The following MSI1 variants were observed in gnomAD, a reference collection of about 807,000 sequenced individuals.
MSI1 encodes the protein musashi RNA binding protein 1.
MSI1 carries 15 observed loss-of-function variants against 54.4 expected under a neutral mutation model. The observed-to-expected ratio is 0.28, with a 90% CI of 0.18 to 0.42. MSI1 has a LOEUF of 0.42. Ranked by LOEUF, MSI1 falls within the 20% of genes least tolerant of loss-of-function variation. The pLI, the probability that MSI1 is intolerant of heterozygous loss-of-function variation, is 1.00. For missense variants in MSI1, 304 were observed against 506.0 expected (o/e 0.60, Z 3.83); for synonymous variants, 200 against 196.5 (o/e 1.02, Z -0.15).
In MSI1 at chr12:120,346,148, C is replaced by T; in HGVS notation, c.1034G>A (p.Gly345Asp). 6.3e-7 allele frequency: 1 copy of T among 1,576,110 alleles called. No homozygotes were observed. Among genetic ancestry groups the T allele is most frequent in the South Asian group, 1.2e-5 (1 of 85,906 alleles). Residue 345 changes from glycine to aspartate, a missense_variant, in exon 13 of 15, where the codon GGC (glycine) becomes GAC (aspartate). Physicochemically the swap from Gly to Asp is moderately conservative, Grantham distance 94 (BLOSUM62 -1). Transcript: ENST00000257552. ...CTGGCCACTCACCCCAAGACTGTGG[C>T]CGAAGCCGGTGCTGGGGGCAGGGCT... ...AASPAPSTGF[G>D]HSLGGPLIAT...
chr12:120,357,114 C>T, intron 8 of MSI1, 95 bp from the exon 9 acceptor site: 1 of 1,116,476 alleles, frequency 9.0e-7, no homozygotes, highest in Non-Finnish European at 1.4e-6. Flanking sequence ...TTATTAATTT[C>T]ACTGTCCAGC....
intron 11 of MSI1, among the ~76,000 whole-genome samples, chr12:120,350,379 C>T (rs555902120): frequency 8.7e-4 from 133 of 152,236 alleles, no homozygotes; most frequent in African/African-American, 3.1e-3. Context: ...TCCACCCTGA[C>T]AACTAGTGGC....
At chr12:120,345,692 C>T in intron 13 of MSI1, 60 bp from the exon 14 acceptor site, 12 of 1,590,714 alleles carry the variant, frequency 7.5e-6, no homozygotes, top group Non-Finnish European at 1.0e-5. Context: ...TCAGGGGCTC[C>T]TTCTCTCTCT....
At chr12:120,367,971 CT>C (rs1171318429) in intron 4 of MSI1, 36 bp downstream of exon 4, 30 of 1,579,936 alleles carry the variant, frequency 1.9e-5, no homozygotes, top group Non-Finnish European at 2.6e-5. Context: ...CAGCCTCCCT[CT>C]CCCAAAGGAC....
intron 9 of MSI1, among the ~76,000 whole-genome samples, chr12:120,353,997 T>TTTCTTTG (rs1874862069): frequency 6.6e-6 from 1 of 152,160 alleles, no homozygotes; most frequent in Non-Finnish European, 1.5e-5. Context: ...TTTTTTCTTT[T>TTTCTTTG]TTAGAGACAG....
chr12:120,368,996 G>GGCGGGC lies in MSI1; in HGVS notation c.59+31_59+36dup. On this transcript the variant is annotated intron_variant, in intron 1 of 14. Coordinates refer to ENST00000257552, the MANE Select transcript of MSI1 (RefSeq NM_002442.4). This position sits in a 1 kb window ranked among gnomAD's most constrained non-coding sequence, Gnocchi z 6.6. ...GGATCGGCCATGTTGGCGGGGCCGG[G>GGCGGGC]GCGGGCGCGGGCCAAGCAGGCCGGG... 9.1e-7 allele frequency: 1 copy of GGCGGGC among 1,096,306 alleles called. No individual in the cohort carries two copies. Among genetic ancestry groups the GGCGGGC allele is most frequent in the Non-Finnish European group, 1.1e-6 (1 of 899,884 alleles). The allele number at this position is 1,096,306 out of a possible 1,614,324, so 67.9% of individuals were successfully genotyped here.
chr12:120,350,169 G>GCACCACCACCACA (rs1401344847), intron 11 of MSI1, among the ~76,000 whole-genome samples: 4 of 152,108 alleles, frequency 2.6e-5, no homozygotes, highest in African/African-American at 9.7e-5. Flanking sequence ...CTACAGGCAT[G>GCACCACCACCACA]CACCACCACC....
intron 4 of MSI1, among the ~76,000 whole-genome samples, chr12:120,367,106 C>T (rs759812155): frequency 1.3e-5 from 2 of 152,036 alleles, no homozygotes; most frequent in African/African-American, 2.4e-5. Flanking sequence ...TGGGGACAGG[C>T]GGTAATTTGA....
intron 4 of MSI1, among the ~76,000 whole-genome samples, chr12:120,365,780 C>T (rs897611794): frequency 1.3e-5 from 2 of 152,208 alleles, no homozygotes; most frequent in Admixed American, 6.5e-5. Flanking sequence ...CCTAGAAACT[C>T]TGGGCCTCTT....
At chr12:120,349,652 A>C (rs1874430757) in intron 11 of MSI1, among the ~76,000 whole-genome samples, 1 of 152,210 alleles carries the variant, frequency 6.6e-6, no homozygotes, top group Non-Finnish European at 1.5e-5. Context: ...TGGTACAATG[A>C]ATATTTATCG....
At chr12:120,355,420 G>T (rs1476239276) in intron 9 of MSI1, among the ~76,000 whole-genome samples, 4 of 140,818 alleles carry the variant, frequency 2.8e-5, no homozygotes, top group Admixed American at 2.8e-4. Context: ...AAAAAAAAAA[G>T]AAAGAAAAAA....
In MSI1 at chr12:120,357,967, C is replaced by A. The variant is rs747046564; in HGVS notation, c.452-69G>T. On this transcript the variant is annotated intron_variant, in intron 7 of 14. Transcript: ENST00000257552. ...GCAGGGTCAAAACTCAACCCCAGGT[C>A]GTACCAATATCCCCGCTCCTCTCTC... 3.8e-6 allele frequency: 5 copies of A among 1,315,486 alleles called. No individual in the cohort carries two copies. In the South Asian group the frequency reaches 5.9e-5, roughly 16 times the overall value. The allele number at this position is 1,315,486 out of a possible 1,614,324, so 81.5% of individuals were successfully genotyped here.
intron 14 of MSI1, among the ~76,000 whole-genome samples, chr12:120,344,372 C>T (rs1272698547): frequency 6.6e-6 from 1 of 152,200 alleles, no homozygotes; most frequent in African/African-American, 2.4e-5. Flanking sequence ...ACTTGCTTCT[C>T]CCATATCTTG....
At chr12:120,359,779 C>T (rs1875474835) in intron 6 of MSI1, among the ~76,000 whole-genome samples, 1 of 152,058 alleles carries the variant, frequency 6.6e-6, no homozygotes. Flanking sequence ...TCCTCCTTGC[C>T]CTCTTTCTTA....
In MSI1 at chr12:120,364,704, AC is replaced by A. The variant is rs1186996622; in HGVS notation, c.309+9del. 6.3e-7 allele frequency: 1 copy of A among 1,588,832 alleles called. No individual in the cohort carries two copies. Among genetic ancestry groups the A allele is most frequent in the Non-Finnish European group, 8.6e-7 (1 of 1,168,824 alleles). ...GTAAGAGAGCTCCTCCCAGACATAG[AC>A]ACACCTACCTTGGGCTGTGCTCGCC... On this transcript the variant is annotated intron_variant, in intron 5 of 14. Transcript: ENST00000257552.
In MSI1 at chr12:120,369,125, C is replaced by G; in HGVS notation, c.-34G>C. ...GCGGGCGGCGCGGGCAGCGGAGCGG[C>G]GGCGGCGGCGGCGGCGGCGGCGCTC... On this transcript the variant is annotated 5_prime_UTR_variant, in exon 1 of 15. Transcript: ENST00000257552. 1 of 999,386 alleles carries G rather than the reference C, an allele frequency of 1.0e-6. No individual in the cohort carries two copies. The allele number at this position is 999,386 out of a possible 1,614,324, so 61.9% of individuals were successfully genotyped here.
At chr12:120,364,555 G>T (rs947932862) in intron 5 of MSI1, among the ~76,000 whole-genome samples, 159 bp downstream of exon 5, 2 of 152,026 alleles carry the variant, frequency 1.3e-5, no homozygotes, top group African/African-American at 2.4e-5. Flanking sequence ...AGGCCACAGA[G>T]CAAGGACGTC....
At chr12:120,350,596 G>A (rs953311365) in intron 11 of MSI1, among the ~76,000 whole-genome samples, 11 of 152,146 alleles carry the variant, frequency 7.2e-5, no homozygotes, top group Middle Eastern at 3.2e-3. Context: ...GTCTGGGGGT[G>A]GGGTGGGGGA....
At chr12:120,354,688 C>A (rs981360394) in intron 9 of MSI1, among the ~76,000 whole-genome samples, 1 of 152,224 alleles carries the variant, frequency 6.6e-6, no homozygotes, top group Admixed American at 6.5e-5. Flanking sequence ...GCCTCAGCCT[C>A]CCAAAGTGCT....
Sources: gnomAD v4.1 joint callset for allele counts (sites outside exome capture counted in the v4.1 genomes callset) on GRCh38, gnomAD v4.1.1 for gene constraint, Gnocchi (gnomAD v3.1) non-coding constraint, MANE v1.5 for transcripts, NCBI Gene and HGNC (gene_info 2026-07-23, HGNC 2026-07-21) for gene names.